The following TMEM33 variants were observed in gnomAD, a reference collection of about 807,000 sequenced individuals.
The protein encoded by TMEM33 is transmembrane protein 33.
In TMEM33, 16 loss-of-function variants were observed where a neutral mutation model predicts 29.7. The observed-to-expected ratio is 0.54, with a 90% CI of 0.36 to 0.82. The LOEUF (loss-of-function observed/expected upper bound fraction) is 0.82, where lower values mean the gene tolerates loss of function less well. Among genes scored for constraint, TMEM33 ranks in the 40% least tolerant of loss-of-function variants. TMEM33 has a pLI of 0.00. For synonymous variants in TMEM33, 112 were observed against 109.4 expected (o/e 1.02, Z -0.15); for missense variants, 252 against 295.3 (o/e 0.85, Z 1.08).
Position 41,939,255 on chromosome 4 carries a change from C to G in TMEM33, c.200C>G (p.Ala67Gly). ...TTGCTGGCAAATGCTCTTACCAGTG[C>G]TCTGAGGCTGCATCAAAGATTACCA... ...RALLANALTS[A>G]LRLHQRLPHF... is the part of the protein sequence containing the mutation. The change falls in exon 3 of 7, where the codon GCT becomes GGT. Residue 67 changes from alanine (A) to glycine (G), a missense_variant. Physicochemically the swap from Ala to Gly is moderately conservative, Grantham distance 60 (BLOSUM62 0). Coordinates refer to ENST00000504986, the MANE Select transcript of TMEM33 (RefSeq NM_018126.3). 1 of 1,613,198 alleles carries G rather than the reference C, an allele frequency of 6.2e-7. No homozygotes were observed. The highest frequency in any genetic ancestry group is 8.5e-7 in the Non-Finnish European group (1 of 1,179,814).
At chr4:41,935,191 C>A, upstream of TMEM33, 1 of 543,238 alleles carries the variant, frequency 1.8e-6, no homozygotes. Flanking sequence ...CTCTTTAGGG[C>A]TTCACCCCGA....
chr4:41,943,751 T>A lies in TMEM33; in HGVS notation c.333T>A (p.Ser111Arg). ...IFVNSYPVTMSIFPVLLFSLL... is the reference protein window; with the variant it reads ...IFVNSYPVTMRIFPVLLFSLL... ...TTCCTTAATTGTTTTCTTTAGTGAG[T>A]ATCTTCCCAGTCTTGTTATTCTCTT... Residue 111 changes from serine to arginine, a missense_variant, in exon 4 of 7, where the codon AGT (serine) becomes AGA (arginine). Physicochemically the swap from Ser to Arg is moderately radical, Grantham distance 110 (BLOSUM62 -1). Transcript: ENST00000504986. The A allele has an allele frequency of 6.2e-7, 1 of 1,613,806 alleles. No individual in the cohort carries two copies. The highest frequency in any genetic ancestry group is 2.2e-5 in the East Asian group (1 of 44,786).
intron 5 of TMEM33, 52 bp downstream of exon 5, chr4:41,944,978 G>GAT: frequency 6.3e-7 from 1 of 1,590,020 alleles, no homozygotes; most frequent in South Asian, 1.1e-5. Flanking sequence ...ACGTAATAAA[G>GAT]ATAGTAACTC....
chr4:41,940,628 C>G (rs975333693), intron 3 of TMEM33, among the ~76,000 whole-genome samples: 13 of 151,438 alleles, frequency 8.6e-5, no homozygotes, highest in Admixed American at 8.6e-4. Context: ...GCTAATATGG[C>G]GAAACCCCAT....
chr4:41,942,755 T>C (rs1309628302), intron 3 of TMEM33, among the ~76,000 whole-genome samples: 1 of 152,188 alleles, frequency 6.6e-6, no homozygotes, highest in Non-Finnish European at 1.5e-5. Flanking sequence ...TGTTTATCCA[T>C]GGCATAAAGC....
rs1560522260 is a variant in TMEM33 at position 41,958,992 on chromosome 4, A to T, written c.*4793A>T. 1.3e-5 allele frequency: 2 copies of T among 152,240 alleles called. No homozygotes were observed. The highest frequency in any genetic ancestry group is 4.8e-5 in the African/African-American group (2 of 41,438). 9.4% of individuals were successfully genotyped at this position (152,240 alleles called of 1,614,324 possible). ...CTCGACCTCCCAGAGTGCTGGGATT[A>T]TAGGTGTGAGCCACTAAGCCTGGCT... On this transcript the variant is annotated 3_prime_UTR_variant, in exon 7 of 7. Transcript: ENST00000504986.
In TMEM33 at chr4:41,955,444, A is replaced by G. The variant is rs554274071; in HGVS notation, c.*1245A>G. ...CGTTGCATGATTGGAAATGTTTAAA[A>G]CATTGTACAGTTTTAGTATAGAGAA... is the stretch of plus-strand genomic sequence containing the variant. On this transcript the variant is annotated 3_prime_UTR_variant, in exon 7 of 7. Coordinates refer to ENST00000504986, the MANE Select transcript of TMEM33 (RefSeq NM_018126.3). The G allele has an allele frequency of 2.6e-5, 4 of 152,656 alleles. No homozygotes were observed. The highest frequency in any genetic ancestry group is 7.2e-5 in the African/African-American group (3 of 41,566). The allele number at this position is 152,656 out of a possible 1,614,324, so 9.5% of individuals were successfully genotyped here. A position where few individuals can be genotyped will look rare whatever the true frequency, so the allele number is the denominator to read the frequency against.
intron 6 of TMEM33, among the ~76,000 whole-genome samples, chr4:41,952,807 A>G (rs1713099843): frequency 6.6e-6 from 1 of 152,156 alleles, no homozygotes; most frequent in Non-Finnish European, 1.5e-5. Flanking sequence ...TCCATATTGC[A>G]TTTAAATTTC....
At chr4:41,943,415 C>G (rs1386569444) in intron 3 of TMEM33, among the ~76,000 whole-genome samples, 4 of 151,928 alleles carry the variant, frequency 2.6e-5, no homozygotes, top group Admixed American at 2.6e-4. Context: ...ATCCCAGCTA[C>G]TCGGGAGGCT....
At chr4:41,951,198 C>G (rs1387896959) in intron 6 of TMEM33, among the ~76,000 whole-genome samples, 3 of 152,046 alleles carry the variant, frequency 2.0e-5, no homozygotes, top group African/African-American at 7.2e-5. Context: ...CTGTGCTGTC[C>G]AGTACAGCAC....
intron 3 of TMEM33, among the ~76,000 whole-genome samples, chr4:41,940,807 CAAAAAAAAAAA>C (rs11390153): frequency 1.1e-4 from 6 of 53,274 alleles, no homozygotes; most frequent in African/African-American, 1.3e-4. Context: ...GACTCCTTCT[CAAAAAAAAAAA>C]AAAAAAAAAA....
chr4:41,935,427 C>G, upstream of TMEM33: 5 of 1,555,242 alleles, frequency 3.2e-6, no homozygotes, highest in Non-Finnish European at 4.4e-6. Flanking sequence ...CTGACGTTTT[C>G]TCTCCCCTTT....
chr4:41,945,058 G>A (rs1163079149), intron 5 of TMEM33, 132 bp downstream of exon 5: 1 of 1,129,550 alleles, frequency 8.9e-7, no homozygotes, highest in Admixed American at 2.8e-5. Context: ...CTTAGCAGTT[G>A]CCTAATCTAA....
upstream of TMEM33, chr4:41,935,295 C>T (rs1225668730): frequency 4.5e-6 from 3 of 664,934 alleles, no homozygotes; most frequent in Non-Finnish European, 8.0e-6. Context: ...GCCCTGGATC[C>T]AGTCGGCTGC....
rs1713427883 is a variant in TMEM33, at chr4:41,960,627, G to T, written c.*6428G>T. The T allele has an allele frequency of 2.0e-5, 3 of 152,094 alleles. No homozygotes were observed. Among genetic ancestry groups the T allele is most frequent in the African/African-American group, 7.2e-5 (3 of 41,434 alleles). The allele number at this position is 152,094 out of a possible 1,614,324, so 9.4% of individuals were successfully genotyped here. Reference sequence around the variant, plus strand: ...TGTAGTTAGAAATCAGCTTTCCTTTGAGCTTAATTGCCTTTTTGTTAGAAT... The same window carrying T: ...TGTAGTTAGAAATCAGCTTTCCTTTTAGCTTAATTGCCTTTTTGTTAGAAT... On this transcript the variant is annotated 3_prime_UTR_variant, in exon 7 of 7. Coordinates refer to ENST00000504986, the MANE Select transcript of TMEM33 (RefSeq NM_018126.3).
intron 6 of TMEM33, 152 bp from the exon 7 acceptor site, chr4:41,953,918 G>T (rs1713149830): frequency 5.9e-6 from 5 of 847,418 alleles, no homozygotes; most frequent in Non-Finnish European, 7.7e-6. Context: ...ACATGCTGTT[G>T]GAAAGTGGCA....
chr4:41,939,605 C>G, intron 3 of TMEM33: 1 of 597,946 alleles, frequency 1.7e-6, no homozygotes. Context: ...GTTCTTGCCT[C>G]TTGTAAGCTT....
chr4:41,953,859 G>C, intron 6 of TMEM33: 1 of 598,576 alleles, frequency 1.7e-6, no homozygotes, highest in Non-Finnish European at 3.1e-6. Context: ...GAAAACATTT[G>C]AAATAGTGGA....
chr4:41,938,956 T>G (rs1712384320), intron 2 of TMEM33, among the ~76,000 whole-genome samples: 1 of 152,272 alleles, frequency 6.6e-6, no homozygotes, highest in African/African-American at 2.4e-5. Context: ...TTTTCATTTT[T>G]ACTTATTACT....
Sources: gnomAD v4.1 joint callset for allele counts (sites outside exome capture counted in the v4.1 genomes callset) on GRCh38, gnomAD v4.1.1 for gene constraint, MANE v1.5 for transcripts, NCBI Gene and HGNC (gene_info 2026-07-23, HGNC 2026-07-21) for gene names.